Variants in GRM7 observed in about 807,000 individuals in gnomAD.
The protein encoded by GRM7 is glutamate metabotropic receptor 7, also known as metabotropic glutamate receptor 7.
In GRM7, 35 loss-of-function variants were observed where a neutral mutation model predicts 84.5. The observed-to-expected ratio is 0.41, with a 90% CI of 0.32 to 0.55. The LOEUF (loss-of-function observed/expected upper bound fraction) is 0.55. Ranked by LOEUF, GRM7 falls within the 20% of genes least tolerant of loss-of-function variation. The pLI, the probability that GRM7 is intolerant of heterozygous loss-of-function variation, is 0.19. For missense variants in GRM7, 1,003 were observed against 1,194.6 expected, an observed-to-expected ratio of 0.84 and a Z score of 2.36; for synonymous variants, 487 against 455.1, an observed-to-expected ratio of 1.07 and a Z score of -0.89.
intron 1 of GRM7, among the ~76,000 whole-genome samples, chr3:7,052,332 A>G (rs1697037476): frequency 1.3e-5 from 2 of 151,684 alleles, no homozygotes; most frequent in South Asian, 4.1e-4. Context: ...GAATTGCCCA[A>G]ATCTAAGCAT....
intron 4 of GRM7, among the ~76,000 whole-genome samples, chr3:7,348,993 T>C (rs1349372079): frequency 1.3e-5 from 2 of 152,138 alleles, no homozygotes; most frequent in Admixed American, 6.6e-5. Flanking sequence ...GGGCCATGCC[T>C]TCATGCAACG....
At chr3:7,352,734 G>A (rs1693216695) in intron 4 of GRM7, among the ~76,000 whole-genome samples, 1 of 152,044 alleles carries the variant, frequency 6.6e-6, no homozygotes, top group Admixed American at 6.6e-5. Context: ...TTTGCCTGGG[G>A]AAGTGACTTC....
rs932890502 is a variant in GRM7 at position 7,151,968 on chromosome 3, T to G, written c.736+5300T>G. ...GTGATTATGGAAAACTCTGACACAT[T>G]TTAAAACTAGGTAGATTATTTTCCT... On this transcript the variant is annotated intron_variant, in intron 2 of 9. Coordinates refer to ENST00000357716, the MANE Select transcript of GRM7 (RefSeq NM_000844.4). This position sits in a 1 kb window ranked among gnomAD's most constrained non-coding sequence, Gnocchi z 4.5. Among the ~76,000 whole-genome samples the G allele has an allele frequency of 2.8e-4, 43 of 152,256 alleles. No homozygotes were observed. Among genetic ancestry groups the G allele is most frequent in the African/African-American group, 1.0e-3 (43 of 41,554 alleles).
At chr3:7,294,044 T>G (rs1039708823) in intron 2 of GRM7, among the ~76,000 whole-genome samples, 4 of 152,220 alleles carry the variant, frequency 2.6e-5, no homozygotes, top group Non-Finnish European at 1.5e-5. Context: ...ACCACGTTAA[T>G]AGCCAATCTC....
At chr3:7,346,070 C>T (rs1232132693) in intron 4 of GRM7, among the ~76,000 whole-genome samples, 1 of 152,050 alleles carries the variant, frequency 6.6e-6, no homozygotes, top group East Asian at 1.9e-4. Flanking sequence ...TATTTATATA[C>T]CTAGGAGACC....
intron 9 of GRM7, among the ~76,000 whole-genome samples, chr3:7,700,050 C>G (rs1391482897): frequency 6.6e-6 from 1 of 152,200 alleles, no homozygotes; most frequent in Admixed American, 6.5e-5. Context: ...TGATACATAG[C>G]TGATACTCAG....
chr3:7,554,572 A>G (rs1197200454), intron 7 of GRM7, among the ~76,000 whole-genome samples: 5 of 152,226 alleles, frequency 3.3e-5, no homozygotes, highest in Admixed American at 6.5e-5. Flanking sequence ...CCACCGCTAA[A>G]TATCAGCCGC....
At chr3:7,212,913 T>C (rs373966859) in intron 2 of GRM7, among the ~76,000 whole-genome samples, 7 of 152,156 alleles carry the variant, frequency 4.6e-5, no homozygotes, top group African/African-American at 1.7e-4. Context: ...TAAAGCCCAG[T>C]GAATAGTGGC....
chr3:7,023,641 G>T (rs908920179), intron 1 of GRM7, among the ~76,000 whole-genome samples: 4 of 152,216 alleles, frequency 2.6e-5, no homozygotes, highest in African/African-American at 7.2e-5. Flanking sequence ...TTCTGAGGGA[G>T]GGTCAGCTTT....
At chr3:7,120,950 A>G (rs1174860816) in intron 1 of GRM7, among the ~76,000 whole-genome samples, 1 of 152,148 alleles carries the variant, frequency 6.6e-6, no homozygotes, top group Non-Finnish European at 1.5e-5. Context: ...TCCTACACTT[A>G]CCTGTATCGC....
rs549572371 is a variant in GRM7, at chr3:7,573,889, A to G, written c.1516-4533A>G. Among the ~76,000 whole-genome samples, 3 of 152,348 alleles carry G rather than the reference A, an allele frequency of 2.0e-5. 1 individual carries two copies. Among genetic ancestry groups the G allele is most frequent in the African/African-American group, 7.2e-5 (3 of 41,592 alleles). ...TTTCTGACACACTAAGAAGGTTTGC[A>G]TGTACCAAATGCAGAGAAAATGTAT... On this transcript the variant is annotated intron_variant, in intron 7 of 9. Transcript: ENST00000357716.
intron 9 of GRM7, among the ~76,000 whole-genome samples, chr3:7,711,764 G>C (rs1334391698): frequency 2.0e-5 from 3 of 152,154 alleles, no homozygotes; most frequent in Non-Finnish European, 4.4e-5. Flanking sequence ...GCCTTTCAAA[G>C]ATCAGCTCCT....
chr3:6,867,399 T>G (rs1427687938), intron 1 of GRM7, among the ~76,000 whole-genome samples: 1 of 152,164 alleles, frequency 6.6e-6, no homozygotes, highest in East Asian at 1.9e-4. Flanking sequence ...ATCTTCCCTA[T>G]CTCGATGCAG....
At chr3:7,195,642 C>G (rs1001629260) in intron 2 of GRM7, among the ~76,000 whole-genome samples, 3 of 151,854 alleles carry the variant, frequency 2.0e-5, no homozygotes, top group Non-Finnish European at 4.4e-5. Context: ...GTCTGTAGAA[C>G]TTTTGAGATT....
rs1197068765 is a variant in GRM7 at position 7,417,763 on chromosome 3, T to C, written c.1174+2600T>C. Among the ~76,000 whole-genome samples, 6 of 152,132 alleles carry C rather than the reference T, an allele frequency of 3.9e-5. No homozygotes were observed. In the East Asian group the frequency reaches 1.2e-3, roughly 29 times the overall value. ...CTTAAGATGTGAGCACAAATTAAAA[T>C]GTAGGCCATTTTTTTTTCTTTTGGG... On this transcript the variant is annotated intron_variant, in intron 5 of 9. Transcript: ENST00000357716.
rs963247599 is a variant in GRM7, at chr3:7,151,635, G to C, written c.736+4967G>C. Among the ~76,000 whole-genome samples, 2 of 152,096 alleles carry C rather than the reference G, an allele frequency of 1.3e-5. No individual in the cohort carries two copies. The highest frequency in any genetic ancestry group is 4.8e-5 in the African/African-American group (2 of 41,414). ...TATCTAAGATAATTCCTAGTACATA[G>C]AAAGCAGTCAATCATTATTTCTTAA... On this transcript the variant is annotated intron_variant, in intron 2 of 9. Coordinates refer to ENST00000357716, the MANE Select transcript of GRM7 (RefSeq NM_000844.4). The surrounding 1 kb of genome is among the most constrained non-coding windows in gnomAD (Gnocchi z 4.5).
intron 1 of GRM7, among the ~76,000 whole-genome samples, chr3:6,913,717 G>T (rs776254969): frequency 6.6e-6 from 1 of 152,118 alleles, no homozygotes; most frequent in Non-Finnish European, 1.5e-5. Context: ...TTTAGAGTAC[G>T]CACAGTTTTA....
chr3:7,286,276 A>T (rs534280347), intron 2 of GRM7, among the ~76,000 whole-genome samples: 1 of 152,280 alleles, frequency 6.6e-6, no homozygotes, highest in African/African-American at 2.4e-5. Context: ...GAGGAATTAC[A>T]TTTCAAAATG....
At chr3:7,215,376 T>G (rs1195697659) in intron 2 of GRM7, among the ~76,000 whole-genome samples, 1 of 152,050 alleles carries the variant, frequency 6.6e-6, no homozygotes, top group Non-Finnish European at 1.5e-5. Flanking sequence ...AAAATAAATT[T>G]CTTGGAGGCT....
Sources: gnomAD v4.1 joint callset for allele counts (sites outside exome capture counted in the v4.1 genomes callset) on GRCh38, gnomAD v4.1.1 for gene constraint, Gnocchi (gnomAD v3.1) non-coding constraint, MANE v1.5 for transcripts, NCBI Gene and HGNC (gene_info 2026-07-23, HGNC 2026-07-21) for gene names.